The following ASGR1 variants were observed in gnomAD, a reference collection of about 807,000 sequenced individuals.
ASGR1 encodes the protein asialoglycoprotein receptor 1.
In ASGR1, 35 loss-of-function variants were observed where a neutral mutation model predicts 33.1. The observed-to-expected ratio is 1.06, with a 90% CI of 0.81 to 1.40. The LOEUF is 1.40. ASGR1 is among the 40% of genes most tolerant of loss of function. The pLI is 0.00. For missense variants in ASGR1, 396 were observed against 373.7 expected (o/e 1.06, Z -0.49); for synonymous variants, 142 against 152.5 (o/e 0.93, Z 0.51).
chr17:7,178,575 C>T lies in ASGR1; in HGVS notation c.-12G>A. On this transcript the variant is annotated 5_prime_UTR_variant, in exon 2 of 9. Coordinates refer to ENST00000269299, the MANE Select transcript of ASGR1 (RefSeq NM_001671.5). ...TACTCCTTGGTCATGATAGGGCTGG[C>T]GCTGGACCTGGGACTGAGTCAAGAC... 1 of 1,613,242 alleles carries T rather than the reference C, an allele frequency of 6.2e-7. No individual in the cohort carries two copies. The highest frequency in any genetic ancestry group is 1.3e-5 in the African/African-American group (1 of 74,954).
In ASGR1 at chr17:7,177,123, C is replaced by T. The variant is rs770532163; in HGVS notation, c.188-47G>A. On this transcript the variant is annotated intron_variant, in intron 3 of 8. Coordinates refer to ENST00000269299, the MANE Select transcript of ASGR1 (RefSeq NM_001671.5). ...GAGAAGAAAACGGGATCGCTGTGTC[C>T]GCCACCACTGCACCCACCACTCCCT... 1.8e-5 allele frequency: 29 copies of T among 1,612,686 alleles called. No individual in the cohort carries two copies. In the South Asian group the frequency reaches 2.0e-4, roughly 11 times the overall value.
At chr17:7,175,537 C>T (rs894134511) in intron 5 of ASGR1, among the ~76,000 whole-genome samples, 6 of 150,140 alleles carry the variant, frequency 4.0e-5, no homozygotes, top group African/African-American at 1.5e-4. Context: ...CACATGCACA[C>T]ACAATGCACA....
In ASGR1 at chr17:7,176,527, C is replaced by CCACACACACT. The variant is rs1555597836; in HGVS notation, c.355+302_355+303insAGTGTGTGTG. ...CTCAGACACACACCCCCTCTCATTC[C>CCACACACACT]CACACACACACCATCTCATTCTCAC... is the stretch of plus-strand genomic sequence containing the variant. On this transcript the variant is annotated intron_variant, in intron 5 of 8. Coordinates refer to ENST00000269299, the MANE Select transcript of ASGR1 (RefSeq NM_001671.5). 4 of 415,342 alleles carry CCACACACACT rather than the reference C, an allele frequency of 9.6e-6. 1 individual carries two copies. In the East Asian group the frequency reaches 2.1e-4, roughly 22 times the overall value. 25.7% of individuals were successfully genotyped at this position (415,342 alleles called of 1,614,324 possible).
intron 5 of ASGR1, among the ~76,000 whole-genome samples, chr17:7,175,636 C>T (rs950635680): frequency 6.6e-6 from 1 of 151,544 alleles, no homozygotes. Context: ...CACACGTTCT[C>T]ACATACACTG....
At chr17:7,176,752 T>A (rs2069219991) in intron 5 of ASGR1, 78 bp downstream of exon 5, 2 of 1,552,728 alleles carry the variant, frequency 1.3e-6, no homozygotes, top group South Asian at 1.1e-5. Context: ...CCACACACAC[T>A]CACACTTTCT....
At chr17:7,175,603 C>G (rs1270519140) in intron 5 of ASGR1, among the ~76,000 whole-genome samples, 1 of 150,172 alleles carries the variant, frequency 6.7e-6, no homozygotes, top group Non-Finnish European at 1.5e-5. Context: ...TACTTACATT[C>G]TCACACACGC....
rs1410304149 is a variant in ASGR1 at position 7,177,262 on chromosome 17, G to A, written c.135C>T (p.Ser45=). The A allele has an allele frequency of 1.2e-6, 2 of 1,613,722 alleles. No individual in the cohort carries two copies. The highest frequency in any genetic ancestry group is 1.7e-6 in the Non-Finnish European group (2 of 1,179,946). ...LCSGPRLLLL[S]LGLSLLLLVV... is the part of the protein sequence containing the mutation. ...CAAGCAGCAGGAGGCTGAGGCCCAG[G>A]GAGAGCAGGAGGAGGCGAGGTCCGG... The change falls in exon 3 of 9, where the codon TCC becomes TCT. Residue 45 remains serine (S), a synonymous_variant. Coordinates refer to ENST00000269299, the MANE Select transcript of ASGR1 (RefSeq NM_001671.5).
chr17:7,179,357 C>T lies in ASGR1; in HGVS notation c.-193G>A, dbSNP rs2069250833. ...GCCCTGGGCCCCGGTGTCTCTGTGT[C>T]TGCGTGTCTGTGTGTCCAAGCACGC... On this transcript the variant is annotated 5_prime_UTR_variant, in exon 1 of 9. Coordinates refer to ENST00000269299, the MANE Select transcript of ASGR1 (RefSeq NM_001671.5). 6.6e-6 allele frequency: 1 copy of T among 152,296 alleles called. No individual in the cohort carries two copies. The highest frequency in any genetic ancestry group is 1.5e-5 in the Non-Finnish European group (1 of 68,216). 9.4% of individuals were successfully genotyped at this position (152,296 alleles called of 1,614,324 possible). A position where few individuals can be genotyped will look rare whatever the true frequency, so the allele number is the denominator to read the frequency against.
chr17:7,178,709 C>G (rs1453693127), intron 1 of ASGR1, 121 bp from the exon 2 acceptor site: 1 of 490,012 alleles, frequency 2.0e-6, no homozygotes, highest in African/African-American at 2.1e-5. Flanking sequence ...TTTCTTCTTT[C>G]TTTCTTTTCT....
At chr17:7,175,430 TAC>T (rs902921886) in intron 5 of ASGR1, among the ~76,000 whole-genome samples, 3 of 131,684 alleles carry the variant, frequency 2.3e-5, no homozygotes, top group East Asian at 4.8e-4. Context: ...CTCACCCACA[TAC>T]ACACATTCAC....
Position 7,173,464 on chromosome 17 carries a change from A to AAG in ASGR1, c.*194_*195insCT. 1 of 720,922 alleles carries AAG rather than the reference A, an allele frequency of 1.4e-6. No homozygotes were observed. Among genetic ancestry groups the AAG allele is most frequent in the Non-Finnish European group, 2.2e-6 (1 of 450,974 alleles). The allele number at this position is 720,922 out of a possible 1,614,324, so 44.7% of individuals were successfully genotyped here. A position where few individuals can be genotyped will look rare whatever the true frequency, so the allele number is the denominator to read the frequency against. On this transcript the variant is annotated 3_prime_UTR_variant, in exon 9 of 9. Coordinates refer to ENST00000269299, the MANE Select transcript of ASGR1 (RefSeq NM_001671.5). This position sits in a 1 kb window ranked among gnomAD's most constrained non-coding sequence, Gnocchi z 4.7. ...TATTTCTTTTTACTCTTAAAAAAAA[A>AAG]AAGTTCACAATGATAACCTGCAAAC...
At chr17:7,176,073 C>T (rs185225158) in intron 5 of ASGR1, among the ~76,000 whole-genome samples, 9 of 150,714 alleles carry the variant, frequency 6.0e-5, no homozygotes, top group Admixed American at 4.6e-4. Flanking sequence ...CCCATCCACT[C>T]CTTCTCATTC....
At chr17:7,176,699 CAG>C (rs1279358713) in intron 5 of ASGR1, 129 bp downstream of exon 5, 8 of 1,356,682 alleles carry the variant, frequency 5.9e-6, no homozygotes, top group East Asian at 2.4e-5. Flanking sequence ...TTCTCACACA[CAG>C]ACTCACACAC....
Position 7,174,294 on chromosome 17 carries a change from G to A in ASGR1, c.443-5C>T. 6.2e-7 allele frequency: 1 copy of A among 1,613,820 alleles called. No individual in the cohort carries two copies. Among genetic ancestry groups the A allele is most frequent in the Non-Finnish European group, 8.5e-7 (1 of 1,179,838 alleles). ...GGCAGCAGGTCCTTTCTGAGCCTGAGCGGGAGAAACGGGGCGCAGGGGCTA... is the reference window on the plus strand; with the variant it reads ...GGCAGCAGGTCCTTTCTGAGCCTGAACGGGAGAAACGGGGCGCAGGGGCTA... On this transcript the variant is annotated splice_region_variant and splice_polypyrimidine_tract_variant and intron_variant, in intron 6 of 8. Transcript: ENST00000269299.
At chr17:7,177,443 A>C (rs939743063) in intron 2 of ASGR1, 117 bp from the exon 3 acceptor site, 3 of 760,462 alleles carry the variant, frequency 3.9e-6, no homozygotes, top group Admixed American at 5.8e-5. Flanking sequence ...AACCATGTAC[A>C]TGAAGAAATG....
Position 7,178,321 on chromosome 17 carries a change from C to T in ASGR1, c.70+173G>A, listed in dbSNP as rs1474558485. The T allele has an allele frequency of 1.4e-5, 10 of 696,668 alleles. No individual in the cohort carries two copies. The Admixed American group carries it at 2.3e-4, about 16-fold the overall frequency. 43.2% of individuals were successfully genotyped at this position (696,668 alleles called of 1,614,324 possible). The stretch of plus-strand genomic sequence containing the variant: ...TGTCACCAATAAAGGGACTCCAACC[C>T]CACACTCCGCCCCTCTCCTGAGAGA... On this transcript the variant is annotated intron_variant, in intron 2 of 8. Coordinates refer to ENST00000269299, the MANE Select transcript of ASGR1 (RefSeq NM_001671.5).
rs890900727 is a variant in ASGR1 at position 7,176,596 on chromosome 17, T to C, written c.355+234A>G. ...CACACACAGACTCACACACACTCCATCTCATTCTCACACTCACAGACATAC... is the reference window on the plus strand; with the variant it reads ...CACACACAGACTCACACACACTCCACCTCATTCTCACACTCACAGACATAC... On this transcript the variant is annotated intron_variant, in intron 5 of 8. Coordinates refer to ENST00000269299, the MANE Select transcript of ASGR1 (RefSeq NM_001671.5). 9.0e-6 allele frequency: 5 copies of C among 557,342 alleles called. No individual in the cohort carries two copies. In the African/African-American group the frequency reaches 1.0e-4, roughly 11 times the overall value. The allele number at this position is 557,342 out of a possible 1,614,324, so 34.5% of individuals were successfully genotyped here. A position where few individuals can be genotyped will look rare whatever the true frequency, so the allele number is the denominator to read the frequency against.
At position 7,173,487 on chromosome 17, in the gene ASGR1, A is replaced by C; in HGVS notation, c.*172T>G. On this transcript the variant is annotated 3_prime_UTR_variant, in exon 9 of 9. Transcript: ENST00000269299. This position sits in a 1 kb window ranked among gnomAD's most constrained non-coding sequence, Gnocchi z 4.7. ...AAAAAGTTCACAATGATAACCTGCA[A>C]ACTGCAGAAAGCGCCACGGGTTTCA... 1 of 867,384 alleles carries C rather than the reference A, an allele frequency of 1.2e-6. No individual in the cohort carries two copies. Among genetic ancestry groups the C allele is most frequent in the Non-Finnish European group, 1.7e-6 (1 of 581,068 alleles). 53.7% of individuals were successfully genotyped at this position (867,384 alleles called of 1,614,324 possible).
intron 5 of ASGR1, among the ~76,000 whole-genome samples, chr17:7,175,636 CACAT>C (rs1454059779): frequency 2.6e-5 from 4 of 151,544 alleles, no homozygotes; most frequent in African/African-American, 7.3e-5. Context: ...CACACGTTCT[CACAT>C]ACACTGACAC....
Sources: gnomAD v4.1 joint callset for allele counts (sites outside exome capture counted in the v4.1 genomes callset) on GRCh38, gnomAD v4.1.1 for gene constraint, Gnocchi (gnomAD v3.1) non-coding constraint, MANE v1.5 for transcripts, NCBI Gene and HGNC (gene_info 2026-07-23, HGNC 2026-07-21) for gene names.